CIITA: variants seen among roughly 807,000 people sequenced by gnomAD.
The protein encoded by CIITA is MHC class II transactivator.
Under a neutral mutation model 115.1 loss-of-function variants are expected in CIITA, and 72 were observed. The ratio of observed to expected loss-of-function variants is 0.63; its 90% CI spans 0.52 to 0.76. The LOEUF (loss-of-function observed/expected upper bound fraction) is 0.76, where lower values mean the gene tolerates loss of function less well. CIITA is among the 30% of genes least tolerant of loss of function. CIITA has a pLI of 0.00. For synonymous variants in CIITA, 763 were observed against 635.6 expected (o/e 1.20, Z -3.02); for missense variants, 1,617 against 1,463.8 (o/e 1.10, Z -1.71).
At position 10,929,426 on chromosome 16, in the gene CIITA, A is replaced by T; in HGVS notation, c.*5571A>T. ...CACTGCAGGCAGATGAGGTCTTGGG[A>T]TGCCTCTTGCGTTCCCCCTTCTGTG... On this transcript the variant is annotated 3_prime_UTR_variant, in exon 20 of 20. Coordinates refer to ENST00000324288, the MANE Select transcript of CIITA (RefSeq NM_000246.4). The surrounding 1 kb of genome is among the most constrained non-coding windows in gnomAD (Gnocchi z 4.3). The T allele has an allele frequency of 1.0e-6, 1 of 985,870 alleles. No individual in the cohort carries two copies. The highest frequency in any genetic ancestry group is 1.2e-6 in the Non-Finnish European group (1 of 829,964). The allele number at this position is 985,870 out of a possible 1,614,324, so 61.1% of individuals were successfully genotyped here. A position where few individuals can be genotyped will look rare whatever the true frequency, so the allele number is the denominator to read the frequency against.
rs1371400939 is a variant in CIITA at position 10,935,284 on chromosome 16, GT to G, written c.*11434del. The G allele has an allele frequency of 6.6e-6, 1 of 152,244 alleles. No homozygotes were observed. Among genetic ancestry groups the G allele is most frequent in the African/African-American group, 2.4e-5 (1 of 41,466 alleles). The allele number at this position is 152,244 out of a possible 1,614,324, so 9.4% of individuals were successfully genotyped here. On this transcript the variant is annotated 3_prime_UTR_variant, in exon 20 of 20. Transcript: ENST00000324288. Reference sequence around the variant, plus strand: ...TAGTGAGCAAGCAATTTGCTTTTCAGTTTTTGGTCAATCCTTATGATTATTT... The same window carrying G: ...TAGTGAGCAAGCAATTTGCTTTTCAGTTTTGGTCAATCCTTATGATTATTT...
intron 1 of CIITA, among the ~76,000 whole-genome samples, chr16:10,894,705 A>T (rs544316588): frequency 2.6e-4 from 39 of 152,310 alleles, no homozygotes; most frequent in African/African-American, 9.1e-4. Context: ...TGAGGCACAG[A>T]AAGGAGCAGA....
At position 10,895,656 on chromosome 16, in the gene CIITA, C is replaced by T; in HGVS notation, c.200-13C>T. 2 of 1,614,162 alleles carry T rather than the reference C, an allele frequency of 1.2e-6. No individual in the cohort carries two copies. Among genetic ancestry groups the T allele is most frequent in the Non-Finnish European group, 8.5e-7 (1 of 1,180,010 alleles). ...GAAATTTCCTTCTTCATCCAAGGGA[C>T]TTTTCCTCCCAGAACCCGACACAGA... On this transcript the variant is annotated splice_polypyrimidine_tract_variant and intron_variant, in intron 2 of 19. Coordinates refer to ENST00000324288, the MANE Select transcript of CIITA (RefSeq NM_000246.4).
chr16:10,895,654 G>T lies in CIITA; in HGVS notation c.200-15G>T. On this transcript the variant is annotated splice_polypyrimidine_tract_variant and intron_variant, in intron 2 of 19. Coordinates refer to ENST00000324288, the MANE Select transcript of CIITA (RefSeq NM_000246.4). Reference sequence around the variant, plus strand: ...CAGAAATTTCCTTCTTCATCCAAGGGACTTTTCCTCCCAGAACCCGACACA... The same window carrying T: ...CAGAAATTTCCTTCTTCATCCAAGGTACTTTTCCTCCCAGAACCCGACACA... 1 of 1,613,970 alleles carries T rather than the reference G, an allele frequency of 6.2e-7. No individual in the cohort carries two copies. Among genetic ancestry groups the T allele is most frequent in the South Asian group, 1.1e-5 (1 of 91,054 alleles).
At chr16:10,905,345 C>T (rs188597697) in intron 10 of CIITA, among the ~76,000 whole-genome samples, 51 of 152,238 alleles carry the variant, frequency 3.4e-4, no homozygotes, top group African/African-American at 1.0e-3. Flanking sequence ...GTGGTAGAAC[C>T]GGGATTTGAA....
intron 11 of CIITA, chr16:10,908,661 TAA>T: frequency 2.1e-6 from 1 of 477,038 alleles, no homozygotes; most frequent in South Asian, 2.1e-5. Flanking sequence ...CTAAATTCCT[TAA>T]TTTGGTTTCA....
downstream of CIITA, chr16:10,940,111 C>T (rs990783663): frequency 6.6e-6 from 1 of 152,232 alleles, no homozygotes; most frequent in African/African-American, 2.4e-5. This position sits in a 1 kb window ranked among gnomAD's most constrained non-coding sequence, Gnocchi z 4.2. Flanking sequence ...TAGGAGAGCC[C>T]TCTGCCGCCA....
At chr16:10,875,820 A>G (rs998781066), upstream of CIITA, among the ~76,000 whole-genome samples, 3 of 152,232 alleles carry the variant, frequency 2.0e-5, no homozygotes, top group East Asian at 5.8e-4. Context: ...ATAGTTGTGC[A>G]CCATCATACA....
rs1156383695 is a variant in CIITA at position 10,907,962 on chromosome 16, C to G, written c.2470C>G (p.His824Asp). Reference sequence around the variant, plus strand: ...GGCCGAGGAGGCTGGAATTTGGCAGCACGTGGTACAGGAGCTCCCCGGCCG... The same window carrying G: ...GGCCGAGGAGGCTGGAATTTGGCAGGACGTGGTACAGGAGCTCCCCGGCCG... ...HEAEEAGIWQ[H>D]VVQELPGRLS... Residue 824 changes from histidine to aspartate, a missense_variant, in exon 11 of 20, where the codon CAC (histidine) becomes GAC (aspartate). Physicochemically the swap from His to Asp is moderately conservative, Grantham distance 81 (BLOSUM62 -1). Coordinates refer to ENST00000324288, the MANE Select transcript of CIITA (RefSeq NM_000246.4). This position sits in a 1 kb window ranked among gnomAD's most constrained non-coding sequence, Gnocchi z 5.0. The G allele has an allele frequency of 2.6e-6, 4 of 1,568,132 alleles. No individual in the cohort carries two copies. Among genetic ancestry groups the G allele is most frequent in the Non-Finnish European group, 3.5e-6 (4 of 1,157,890 alleles).
At chr16:10,878,959 G>A (rs1596421546) in intron 1 of CIITA, 1 of 224,598 alleles carries the variant, frequency 4.5e-6, no homozygotes, top group Non-Finnish European at 8.9e-6. Context: ...ACCAGCGGAC[G>A]AGCTGCCACA....
chr16:10,939,297 C>T (rs1018707569), downstream of CIITA: 5 of 152,306 alleles, frequency 3.3e-5, no homozygotes, highest in Non-Finnish European at 5.9e-5. The surrounding 1 kb of genome is among the most constrained non-coding windows in gnomAD (Gnocchi z 4.9). Flanking sequence ...TGCTTCCCCT[C>T]TTACCCCTCA....
intron 1 of CIITA, among the ~76,000 whole-genome samples, chr16:10,883,470 C>A (rs997667335): frequency 2.0e-5 from 3 of 152,194 alleles, no homozygotes; most frequent in African/African-American, 7.2e-5. Flanking sequence ...AATAACTTTA[C>A]CCTTTACTGG....
At chr16:10,908,699 G>A (rs1018343297) in intron 11 of CIITA, 76 of 545,788 alleles carry the variant, frequency 1.4e-4, no homozygotes, top group African/African-American at 1.2e-3. Flanking sequence ...ATCTGCTTGA[G>A]CATTTCAGCT....
At position 10,902,816 on chromosome 16, in the gene CIITA, T is replaced by G; in HGVS notation, c.772+15T>G. 1 of 1,613,958 alleles carries G rather than the reference T, an allele frequency of 6.2e-7. No homozygotes were observed. Among genetic ancestry groups the G allele is most frequent in the Non-Finnish European group, 8.5e-7 (1 of 1,179,978 alleles). On this transcript the variant is annotated intron_variant, in intron 8 of 19. Coordinates refer to ENST00000324288, the MANE Select transcript of CIITA (RefSeq NM_000246.4). Reference sequence around the variant, plus strand: ...CATCTACCATGGTGAGTGCGGGGCCTGGCTCCCCGACCACCTCTCCCTCCT... The same window carrying G: ...CATCTACCATGGTGAGTGCGGGGCCGGGCTCCCCGACCACCTCTCCCTCCT...
rs943453686 is a variant in CIITA at position 10,923,404 on chromosome 16, G to A, written c.*22+79G>A. Reference sequence around the variant, plus strand: ...CTTGTGAAGGTGGCATTCAAAAAATGTGGGCGGGACACAGGTGGGGCTAGG... The same window carrying A: ...CTTGTGAAGGTGGCATTCAAAAAATATGGGCGGGACACAGGTGGGGCTAGG... On this transcript the variant is annotated intron_variant, in intron 19 of 19. Transcript: ENST00000324288. The surrounding 1 kb of genome is among the most constrained non-coding windows in gnomAD (Gnocchi z 5.2). 1 of 1,177,998 alleles carries A rather than the reference G, an allele frequency of 8.5e-7. No homozygotes were observed. The highest frequency in any genetic ancestry group is 1.3e-6 in the Non-Finnish European group (1 of 792,066). 73.0% of individuals were successfully genotyped at this position (1,177,998 alleles called of 1,614,324 possible).
chr16:10,929,544 T>G lies in CIITA; in HGVS notation c.*5689T>G, dbSNP rs1334414999. 17 of 985,454 alleles carry G rather than the reference T, an allele frequency of 1.7e-5. No homozygotes were observed. The highest frequency in any genetic ancestry group is 1.9e-5 in the Non-Finnish European group (16 of 829,968). The allele number at this position is 985,454 out of a possible 1,614,324, so 61.0% of individuals were successfully genotyped here. ...GGAACCTCTCTGTTGGCACGAAGCTTTTGAGGGGAGCAGGTCTAACAAGAA... is the reference window on the plus strand; with the variant it reads ...GGAACCTCTCTGTTGGCACGAAGCTGTTGAGGGGAGCAGGTCTAACAAGAA... On this transcript the variant is annotated 3_prime_UTR_variant, in exon 20 of 20. Transcript: ENST00000324288. The surrounding 1 kb of genome is among the most constrained non-coding windows in gnomAD (Gnocchi z 4.3).
At position 10,929,247 on chromosome 16, in the gene CIITA, G is replaced by A. The variant is rs977268740; in HGVS notation, c.*5392G>A. 6 of 985,818 alleles carry A rather than the reference G, an allele frequency of 6.1e-6. No homozygotes were observed. Among genetic ancestry groups the A allele is most frequent in the Non-Finnish European group, 7.2e-6 (6 of 829,970 alleles). The allele number at this position is 985,818 out of a possible 1,614,324, so 61.1% of individuals were successfully genotyped here. On this transcript the variant is annotated 3_prime_UTR_variant, in exon 20 of 20. Transcript: ENST00000324288. This position sits in a 1 kb window ranked among gnomAD's most constrained non-coding sequence, Gnocchi z 4.3. ...ACGGAGCTGGGAGTCGCTTTTGCGTGTGTCCGCAGTTTGAAGTGTCCTCTC... is the reference window on the plus strand; with the variant it reads ...ACGGAGCTGGGAGTCGCTTTTGCGTATGTCCGCAGTTTGAAGTGTCCTCTC...
In CIITA at chr16:10,925,079, G is replaced by A. The variant is rs1418112995; in HGVS notation, c.*1224G>A. ...GTGGGGCAGCTTGAGGGTTGGGCTG[G>A]TGTCACCTGAAGACTCATTCTTCTG... On this transcript the variant is annotated 3_prime_UTR_variant, in exon 20 of 20. Transcript: ENST00000324288. 6.6e-6 allele frequency: 1 copy of A among 152,324 alleles called. No homozygotes were observed. The highest frequency in any genetic ancestry group is 2.4e-5 in the African/African-American group (1 of 41,464). 9.4% of individuals were successfully genotyped at this position (152,324 alleles called of 1,614,324 possible). A position where few individuals can be genotyped will look rare whatever the true frequency, so the allele number is the denominator to read the frequency against.
chr16:10,923,136 G>T lies in CIITA; in HGVS notation c.3318-92G>T. 1 of 1,055,992 alleles carries T rather than the reference G, an allele frequency of 9.5e-7. No homozygotes were observed. The highest frequency in any genetic ancestry group is 1.5e-6 in the Non-Finnish European group (1 of 681,300). 65.4% of individuals were successfully genotyped at this position (1,055,992 alleles called of 1,614,324 possible). On this transcript the variant is annotated intron_variant, in intron 18 of 19. Coordinates refer to ENST00000324288, the MANE Select transcript of CIITA (RefSeq NM_000246.4). The surrounding 1 kb of genome is among the most constrained non-coding windows in gnomAD (Gnocchi z 5.2). ...GAAAAGTCCCCAACGTTCTAGGCTG[G>T]GTGGAAGGAGGGATTTGGGGGCAGC...
Sources: allele counts gnomAD v4.1 joint callset (sites outside exome capture counted in the v4.1 genomes callset), GRCh38; gene constraint gnomAD v4.1.1; non-coding constraint Gnocchi (gnomAD v3.1); transcripts MANE v1.5; gene names NCBI Gene and HGNC (gene_info 2026-07-23, HGNC 2026-07-21).